Variants in TMEM132D observed in about 807,000 individuals in gnomAD.
TMEM132D encodes the protein transmembrane protein 132D.
A neutral mutation model predicts 62.3 loss-of-function variants in TMEM132D; 21 were observed. That is an observed-to-expected ratio of 0.34 (90% CI 0.24 to 0.49). TMEM132D has a LOEUF of 0.49. Among genes scored for constraint, TMEM132D ranks in the 20% least tolerant of loss-of-function variants. The pLI is 0.99. For synonymous variants in TMEM132D, 621 were observed against 575.6 expected (o/e 1.08, Z -1.13); for missense variants, 1,346 against 1,402.8 (o/e 0.96, Z 0.65).
At chr12:129,882,178 G>A (rs928229499) in intron 1 of TMEM132D, among the ~76,000 whole-genome samples, 3 of 151,930 alleles carry the variant, frequency 2.0e-5, no homozygotes, top group African/African-American at 7.3e-5. Flanking sequence ...GGTTTCACCA[G>A]ACAATGTAAA....
intron 3 of TMEM132D, among the ~76,000 whole-genome samples, chr12:129,411,612 C>G (rs1175627411): frequency 6.6e-6 from 1 of 152,158 alleles, no homozygotes; most frequent in Non-Finnish European, 1.5e-5. Flanking sequence ...ACCTCCGCCT[C>G]CCAAAGTATT....
intron 2 of TMEM132D, among the ~76,000 whole-genome samples, chr12:129,619,390 T>A (rs1593091847): frequency 6.6e-6 from 1 of 152,168 alleles, no homozygotes; most frequent in African/African-American, 2.4e-5. Flanking sequence ...ATAGCAGAGA[T>A]CCCCACAGTG....
intron 1 of TMEM132D, among the ~76,000 whole-genome samples, chr12:129,723,957 T>C (rs1661074663): frequency 6.6e-6 from 1 of 152,190 alleles, no homozygotes; most frequent in African/African-American, 2.4e-5. Flanking sequence ...ACTATGTCAC[T>C]TACCCCTTAA....
chr12:129,237,051 C>T (rs774842069), intron 4 of TMEM132D, among the ~76,000 whole-genome samples: 6 of 152,076 alleles, frequency 3.9e-5, no homozygotes, highest in Non-Finnish European at 7.4e-5. Context: ...TATGTTGAAA[C>T]ATCTTTGCAT....
chr12:129,616,010 C>T (rs1311257373), intron 2 of TMEM132D, among the ~76,000 whole-genome samples: 1 of 152,008 alleles, frequency 6.6e-6, no homozygotes, highest in Non-Finnish European at 1.5e-5. Context: ...AAGAAACAGA[C>T]CACTAAGCAA....
At chr12:129,375,693 A>T (rs1164329856) in intron 3 of TMEM132D, among the ~76,000 whole-genome samples, 1 of 152,164 alleles carries the variant, frequency 6.6e-6, no homozygotes, top group Non-Finnish European at 1.5e-5. Flanking sequence ...ACATCAGAAC[A>T]TACAGCAAAT....
At chr12:129,437,968 T>G in intron 3 of TMEM132D, among the ~76,000 whole-genome samples, 1 of 143,262 alleles carries the variant, frequency 7.0e-6, no homozygotes, top group East Asian at 2.2e-4. Flanking sequence ...CAACTCCCAC[T>G]TACGAGCAAG....
At chr12:129,740,230 T>C (rs1286969919) in intron 1 of TMEM132D, among the ~76,000 whole-genome samples, 1 of 152,212 alleles carries the variant, frequency 6.6e-6, no homozygotes, top group Admixed American at 6.5e-5. Context: ...ATGTTGTCCA[T>C]TTCTTTCTAG....
intron 1 of TMEM132D, among the ~76,000 whole-genome samples, chr12:129,861,529 G>A (rs749676051): frequency 6.6e-6 from 1 of 152,200 alleles, no homozygotes; most frequent in Non-Finnish European, 1.5e-5. Flanking sequence ...GGGAGGCCAA[G>A]GTGGGTGAAT....
chr12:129,330,458 G>A (rs546678567), intron 4 of TMEM132D, among the ~76,000 whole-genome samples: 1 of 152,302 alleles, frequency 6.6e-6, no homozygotes, highest in African/African-American at 2.4e-5. Context: ...TTTAAGAGGT[G>A]ACTGGGCCGT....
intron 5 of TMEM132D, among the ~76,000 whole-genome samples, chr12:129,155,393 C>T (rs1349299071): frequency 2.6e-5 from 4 of 152,152 alleles, no homozygotes; most frequent in African/African-American, 9.7e-5. Flanking sequence ...TTTTTGCTTA[C>T]TAGAGAGGTA....
chr12:129,175,717 T>C (rs904387509), intron 5 of TMEM132D, among the ~76,000 whole-genome samples: 3 of 152,140 alleles, frequency 2.0e-5, no homozygotes, highest in Non-Finnish European at 2.9e-5. Flanking sequence ...TCTAAATAAA[T>C]AGGCAAAGCC....
chr12:129,691,470 AC>A (rs1473388283), intron 2 of TMEM132D, among the ~76,000 whole-genome samples: 1 of 152,098 alleles, frequency 6.6e-6, no homozygotes, highest in Non-Finnish European at 1.5e-5. Context: ...GACAAAAATT[AC>A]CAATAACAAA....
intron 3 of TMEM132D, among the ~76,000 whole-genome samples, chr12:129,527,521 G>A (rs1566099162): frequency 6.6e-6 from 1 of 152,128 alleles, no homozygotes. Context: ...CTTCAATCAA[G>A]TCTTGCTGGA....
chr12:129,448,750 A>G (rs1015171412), intron 3 of TMEM132D, among the ~76,000 whole-genome samples: 1 of 152,202 alleles, frequency 6.6e-6, no homozygotes, highest in Non-Finnish European at 1.5e-5. Context: ...GGGCTGATAC[A>G]ATGAACACTT....
intron 3 of TMEM132D, among the ~76,000 whole-genome samples, chr12:129,351,321 C>T (rs1004328961): frequency 1.3e-5 from 2 of 152,168 alleles, no homozygotes; most frequent in African/African-American, 4.8e-5. Flanking sequence ...TGGTTCTATC[C>T]GATGGCTATA....
chr12:129,587,624 T>A (rs764741644), intron 2 of TMEM132D, among the ~76,000 whole-genome samples: 1 of 152,192 alleles, frequency 6.6e-6, no homozygotes, highest in Non-Finnish European at 1.5e-5. Flanking sequence ...CTTATGCAGA[T>A]GCCTAGCTTT....
intron 1 of TMEM132D, among the ~76,000 whole-genome samples, chr12:129,847,556 G>A (rs1258484540): frequency 6.6e-6 from 1 of 152,114 alleles, no homozygotes; most frequent in Non-Finnish European, 1.5e-5. Context: ...AATCAGCAGA[G>A]GCATCAGCTC....
Position 129,366,833 on chromosome 12 carries a change from C to CCA in TMEM132D, c.1116-29018_1116-29017dup. ...ACAAATGAACCTCTTTCTCGGGGAACCACACACACAGAGAGATGGGCTGTC... is the reference window on the plus strand; with the variant it reads ...ACAAATGAACCTCTTTCTCGGGGAACCACACACACACAGAGAGATGGGCTGTC... On this transcript the variant is annotated intron_variant, in intron 3 of 8. Transcript: ENST00000422113. 2.6e-5 allele frequency among the ~76,000 whole-genome samples: 4 copies of CCA among 152,222 alleles called. 1 individual carries two copies. In the Middle Eastern group the frequency reaches 0.014, roughly 518 times the overall value.
Sources: allele counts gnomAD v4.1 joint callset (sites outside exome capture counted in the v4.1 genomes callset), GRCh38; gene constraint gnomAD v4.1.1; transcripts MANE v1.5; gene names NCBI Gene and HGNC (gene_info 2026-07-23, HGNC 2026-07-21).